The following LRRFIP2 variants were observed in gnomAD, a reference collection of about 807,000 sequenced individuals.
LRRFIP2 encodes leucine-rich repeat flightless-interacting protein 2.
In LRRFIP2, 109 loss-of-function variants were observed where a neutral mutation model predicts 125.9. That is an observed-to-expected ratio of 0.87 (90% CI 0.74 to 1.01). The LOEUF is 1.01. LRRFIP2 is among the 50% of genes least tolerant of loss of function. The pLI is 0.00. For synonymous variants in LRRFIP2, 291 were observed against 293.1 expected (o/e 0.99, Z 0.07); for missense variants, 850 against 862.3 (o/e 0.99, Z 0.18).
chr3:37,164,723 A>C (rs1251304370), intron 1 of LRRFIP2, among the ~76,000 whole-genome samples: 1 of 148,966 alleles, frequency 6.7e-6, no homozygotes, highest in Non-Finnish European at 1.5e-5. Context: ...TCCGTCTCAA[A>C]AAAAAAAAAA....
At chr3:37,165,365 C>T (rs900240741) in intron 1 of LRRFIP2, among the ~76,000 whole-genome samples, 1 of 131,704 alleles carries the variant, frequency 7.6e-6, no homozygotes, top group African/African-American at 2.8e-5. Flanking sequence ...ACCAACCCCC[C>T]CACCCACCCC....
At chr3:37,064,742 A>T (rs2089727744) in intron 23 of LRRFIP2, 1 of 152,246 alleles carries the variant, frequency 6.6e-6, no homozygotes, top group African/African-American at 2.4e-5. Flanking sequence ...TGGTTCACTT[A>T]AAAAAGCAGC....
At chr3:37,167,196 C>CAAA (rs1560175338) in intron 1 of LRRFIP2, among the ~76,000 whole-genome samples, 57 of 55,784 alleles carry the variant, frequency 1.0e-3, no homozygotes, top group African/African-American at 2.0e-3. Flanking sequence ...AATCTTGTCT[C>CAAA]CAAAAAAAAA....
At chr3:37,159,988 G>GC (rs1244259675) in intron 1 of LRRFIP2, among the ~76,000 whole-genome samples, 2 of 41,060 alleles carry the variant, frequency 4.9e-5, no homozygotes, top group East Asian at 7.0e-4. Flanking sequence ...AGCCCTATGC[G>GC]CAAAAAAAAA....
At chr3:37,140,495 T>C (rs1449956644) in intron 2 of LRRFIP2, 1 of 152,016 alleles carries the variant, frequency 6.6e-6, no homozygotes, top group African/African-American at 2.4e-5. Flanking sequence ...TCCTAGCACT[T>C]TGAGAGGCAG....
At chr3:37,127,914 T>C (rs754005040) in intron 3 of LRRFIP2, among the ~76,000 whole-genome samples, 15 of 152,108 alleles carry the variant, frequency 9.9e-5, no homozygotes, top group Non-Finnish European at 2.1e-4. Flanking sequence ...TCTCATTCAC[T>C]TATTTATTTA....
intron 21 of LRRFIP2, among the ~76,000 whole-genome samples, chr3:37,069,256 C>T (rs1436038880): frequency 6.6e-6 from 1 of 152,150 alleles, no homozygotes; most frequent in Non-Finnish European, 1.5e-5. Flanking sequence ...CCGAAAACAA[C>T]TGAAGGCAGA....
chr3:37,171,883 A>C (rs1306163388), intron 1 of LRRFIP2, among the ~76,000 whole-genome samples: 1 of 152,234 alleles, frequency 6.6e-6, no homozygotes, highest in Non-Finnish European at 1.5e-5. Flanking sequence ...ATTATCAAAT[A>C]TAAATGCTTC....
upstream of LRRFIP2, chr3:37,176,276 C>T (rs2096661356): frequency 6.6e-6 from 1 of 152,260 alleles, no homozygotes; most frequent in South Asian, 2.1e-4. Flanking sequence ...GCGGCTGAGA[C>T]AGCGGGAACC....
At chr3:37,098,637 C>T (rs1486592722) in intron 15 of LRRFIP2, among the ~76,000 whole-genome samples, 3 of 152,038 alleles carry the variant, frequency 2.0e-5, no homozygotes, top group African/African-American at 4.8e-5. Context: ...AAGTGATCCG[C>T]CCACCTCAGC....
chr3:37,167,396 C>T (rs1438032319), intron 1 of LRRFIP2, among the ~76,000 whole-genome samples: 3 of 152,036 alleles, frequency 2.0e-5, no homozygotes, highest in Non-Finnish European at 4.4e-5. Context: ...TGGCTCACGC[C>T]TGTAATCCCA....
intron 21 of LRRFIP2, among the ~76,000 whole-genome samples, chr3:37,069,357 G>C (rs1402089321): frequency 6.6e-6 from 1 of 152,196 alleles, no homozygotes; most frequent in Non-Finnish European, 1.5e-5. Flanking sequence ...ACAGAAGAAT[G>C]TGGTATATAC....
chr3:37,142,601 T>C (rs2095740018), intron 2 of LRRFIP2, among the ~76,000 whole-genome samples: 1 of 147,614 alleles, frequency 6.8e-6, no homozygotes, highest in African/African-American at 2.6e-5. Flanking sequence ...TGAAAGACTT[T>C]ATGCATTCTG....
chr3:37,099,011 T>C (rs2019339241), intron 15 of LRRFIP2, among the ~76,000 whole-genome samples: 1 of 152,206 alleles, frequency 6.6e-6, no homozygotes, highest in African/African-American at 2.4e-5. Context: ...TAATCTTATA[T>C]TTCAGAGGTT....
At chr3:37,111,971 G>C (rs2094560626) in intron 8 of LRRFIP2, 1 of 152,436 alleles carries the variant, frequency 6.6e-6, no homozygotes, top group Non-Finnish European at 1.5e-5. Context: ...GAATTAGCAA[G>C]GAGTTGGGAC....
chr3:37,117,316 A>C (rs1161468115), intron 6 of LRRFIP2, among the ~76,000 whole-genome samples: 2 of 152,068 alleles, frequency 1.3e-5, no homozygotes, highest in Non-Finnish European at 2.9e-5. Flanking sequence ...ACTGGAAATA[A>C]CCTGTTTCAA....
Position 37,053,284 on chromosome 3 carries a change from A to G in LRRFIP2, c.*567T>C, listed in dbSNP as rs967135860. On this transcript the variant is annotated 3_prime_UTR_variant, in exon 28 of 28. Coordinates refer to ENST00000336686, the MANE Select transcript of LRRFIP2 (RefSeq NM_006309.4). ...TCTAACATTTTCTTATATAAATTTA[A>G]ATATTTTACAAAAAAAGGCTTTTTT... is the stretch of plus-strand genomic sequence containing the variant. 3 of 152,768 alleles carry G rather than the reference A, an allele frequency of 2.0e-5. No homozygotes were observed. The highest frequency in any genetic ancestry group is 7.2e-5 in the African/African-American group (3 of 41,450). 9.5% of individuals were successfully genotyped at this position (152,768 alleles called of 1,614,324 possible).
intron 19 of LRRFIP2, among the ~76,000 whole-genome samples, chr3:37,081,892 GA>G (rs67658865): frequency 0.09 from 6,208 of 68,626 alleles, 320 homozygotes; most frequent in African/African-American, 0.25. Flanking sequence ...GTCTCCAAAA[GA>G]AAAAAAAAAA....
chr3:37,087,569 G>C (rs1163232601), intron 18 of LRRFIP2, among the ~76,000 whole-genome samples: 3 of 151,774 alleles, frequency 2.0e-5, no homozygotes, highest in Non-Finnish European at 2.9e-5. Flanking sequence ...TACCCATTTG[G>C]AATTGGTTTT....
Sources: allele counts gnomAD v4.1 joint callset (sites outside exome capture counted in the v4.1 genomes callset), GRCh38; gene constraint gnomAD v4.1.1; transcripts MANE v1.5; gene names NCBI Gene and HGNC (gene_info 2026-07-23, HGNC 2026-07-21).